Variants in RFC1 observed in about 807,000 individuals in gnomAD.
The protein encoded by RFC1 is A1 140 kDa subunit.
Under a neutral mutation model 137.4 loss-of-function variants are expected in RFC1, and 37 were observed. The observed-to-expected ratio is 0.27, with a 90% CI of 0.21 to 0.35. RFC1 has a LOEUF of 0.35. Ranked by LOEUF, RFC1 falls within the 10% of genes least tolerant of loss-of-function variation. RFC1 has a pLI of 1.00. For missense variants in RFC1, 1,205 were observed against 1,358.5 expected (o/e 0.89, Z 1.78); for synonymous variants, 429 against 455.7 (o/e 0.94, Z 0.75).
At chr4:39,291,492 T>A in intron 23 of RFC1, 147 bp downstream of exon 23, 1 of 634,528 alleles carries the variant, frequency 1.6e-6, no homozygotes, top group East Asian at 2.7e-5. Context: ...TCAAATAGTA[T>A]CTTTGGAAAA....
intron 13 of RFC1, 63 bp from the exon 14 acceptor site, chr4:39,306,764 G>A (rs1292435801): frequency 7.6e-6 from 7 of 925,462 alleles, no homozygotes; most frequent in Admixed American, 3.8e-5. Flanking sequence ...TTCAAGCATG[G>A]CAGAAATAGT....
At chr4:39,302,406 A>C in intron 18 of RFC1, 30 bp from the exon 19 acceptor site, 4 of 1,573,040 alleles carry the variant, frequency 2.5e-6, no homozygotes, top group Non-Finnish European at 3.5e-6. Context: ...GACAACGTCA[A>C]GATAGGAAAA....
At chr4:39,323,022 T>C (rs1385421306) in intron 7 of RFC1, among the ~76,000 whole-genome samples, 1 of 152,080 alleles carries the variant, frequency 6.6e-6, no homozygotes, top group Admixed American at 6.5e-5. Flanking sequence ...GAGGCAAAGG[T>C]TGCACTGAGC....
At position 39,291,804 on chromosome 4, in the gene RFC1, T is replaced by C. The variant is rs767858844; in HGVS notation, c.3003A>G (p.Leu1001=). 2 of 1,614,148 alleles carry C rather than the reference T, an allele frequency of 1.2e-6. No homozygotes were observed. Among genetic ancestry groups the C allele is most frequent in the Admixed American group, 1.7e-5 (1 of 60,022 alleles). The change falls in exon 23 of 25, where the codon CTA becomes CTG. Residue 1001 remains leucine, a synonymous_variant. Coordinates refer to ENST00000349703, the MANE Select transcript of RFC1 (RefSeq NM_002913.5). ...RTVNMDYLSL[L]RDALVQPLTS... ...TCAAGGGCTGTACAAGTGCATCCCT[T>C]AGAAGCGACAGATAATCCATGTTTA... is the stretch of plus-strand genomic sequence containing the variant.
intron 8 of RFC1, 99 bp from the exon 9 acceptor site, chr4:39,320,768 A>C (rs893949743): frequency 1.6e-6 from 2 of 1,220,238 alleles, no homozygotes; most frequent in Non-Finnish European, 2.2e-6. Flanking sequence ...AGCACAGAAT[A>C]TACCCTGAAG....
intron 1 of RFC1, among the ~76,000 whole-genome samples, chr4:39,352,751 G>A (rs987757800): frequency 6.6e-6 from 1 of 152,148 alleles, no homozygotes; most frequent in Admixed American, 6.5e-5. Context: ...TGCTTATAGA[G>A]AAGGGTATAA....
At chr4:39,358,509 G>A (rs1023910804) in intron 1 of RFC1, among the ~76,000 whole-genome samples, 1 of 152,020 alleles carries the variant, frequency 6.6e-6, no homozygotes, top group African/African-American at 2.4e-5. Flanking sequence ...TGTGGAAAAC[G>A]CACCGTGAGC....
intron 7 of RFC1, 155 bp from the exon 8 acceptor site, chr4:39,321,529 G>T: frequency 1.7e-6 from 1 of 581,502 alleles, no homozygotes; most frequent in Non-Finnish European, 3.0e-6. Context: ...AATTTCCAAG[G>T]CAAATGAGGC....
intron 16 of RFC1, 60 bp downstream of exon 16, chr4:39,302,999 CA>C: frequency 1.3e-6 from 2 of 1,492,184 alleles, no homozygotes; most frequent in Non-Finnish European, 1.9e-6. Context: ...GAGAGAATGA[CA>C]ATGTTCTAAC....
At chr4:39,354,306 C>CTT (rs1741351695) in intron 1 of RFC1, among the ~76,000 whole-genome samples, 1 of 152,168 alleles carries the variant, frequency 6.6e-6, no homozygotes, top group Admixed American at 6.5e-5. Context: ...CAAAGGTCAG[C>CTT]AATTTGTCCT....
rs17288736 is a variant in RFC1, at chr4:39,293,679, A to AC, written c.2955-1828dup. Among the ~76,000 whole-genome samples, 740 of 152,142 alleles carry AC rather than the reference A, an allele frequency of 4.9e-3. 11 individuals carry two copies. The highest frequency in any genetic ancestry group is 0.017 in the African/African-American group (713 of 41,494). On this transcript the variant is annotated intron_variant, in intron 22 of 24. Transcript: ENST00000349703. The stretch of plus-strand genomic sequence containing the variant: ...ACTAGATGAGGAGGCCGCAGTTCCC[A>AC]CCCCCAAAAATGTTTGGTCTAATGA...
chr4:39,342,197 G>A, intron 4 of RFC1, 148 bp downstream of exon 4: 1 of 927,256 alleles, frequency 1.1e-6, no homozygotes, highest in Non-Finnish European at 1.5e-6. Context: ...TGCAAAAGAT[G>A]ATCCCAGCCT....
At chr4:39,349,660 A>G (rs2109752922) in intron 2 of RFC1, among the ~76,000 whole-genome samples, 1 of 152,246 alleles carries the variant, frequency 6.6e-6, no homozygotes, top group East Asian at 1.9e-4. Context: ...CATTTAATGA[A>G]GACCAATTTT....
intron 1 of RFC1, among the ~76,000 whole-genome samples, chr4:39,353,778 T>A (rs1292703894): frequency 6.6e-6 from 1 of 152,208 alleles, no homozygotes; most frequent in Non-Finnish European, 1.5e-5. Context: ...AAATAAAAAG[T>A]AGTGATTGTT....
intron 1 of RFC1, chr4:39,365,585 G>A: frequency 1.8e-6 from 1 of 563,556 alleles, no homozygotes; most frequent in Non-Finnish European, 2.2e-6. Context: ...GGTGGTAAGA[G>A]GATGACAGCT....
chr4:39,339,141 AT>A (rs1364190068), intron 4 of RFC1, among the ~76,000 whole-genome samples: 1 of 151,970 alleles, frequency 6.6e-6, no homozygotes, highest in South Asian at 2.1e-4. Context: ...TCCTTCATCC[AT>A]CCACCATGTG....
chr4:39,350,137 A>G (rs1017912843), intron 2 of RFC1, among the ~76,000 whole-genome samples: 3 of 152,198 alleles, frequency 2.0e-5, no homozygotes, highest in Non-Finnish European at 4.4e-5. Context: ...TTCACTAGAT[A>G]GCCTTAACAG....
chr4:39,361,615 T>G (rs1174372101), intron 1 of RFC1, among the ~76,000 whole-genome samples: 1 of 152,172 alleles, frequency 6.6e-6, no homozygotes, highest in Non-Finnish European at 1.5e-5. Context: ...TGTTTACAGA[T>G]GAAACAATCT....
chr4:39,334,720 G>C (rs759414377), intron 4 of RFC1, among the ~76,000 whole-genome samples: 5 of 152,106 alleles, frequency 3.3e-5, no homozygotes, highest in Admixed American at 6.6e-5. Context: ...TGAAAATCAT[G>C]AACAATTGAA....
Sources: allele counts gnomAD v4.1 joint callset (sites outside exome capture counted in the v4.1 genomes callset), GRCh38; gene constraint gnomAD v4.1.1; transcripts MANE v1.5; gene names NCBI Gene and HGNC (gene_info 2026-07-23, HGNC 2026-07-21).